PLCH1: variants seen among roughly 807,000 people sequenced by gnomAD.
PLCH1 encodes 1-phosphatidylinositol 4,5-bisphosphate phosphodiesterase eta-1.
A neutral mutation model predicts 126.7 loss-of-function variants in PLCH1; 60 were observed. The observed-to-expected ratio is 0.47, with a 90% CI of 0.38 to 0.59. PLCH1 has a LOEUF of 0.59. Among genes scored for constraint, PLCH1 ranks in the 20% least tolerant of loss-of-function variants. The pLI, the probability that PLCH1 is intolerant of heterozygous loss-of-function variation, is 0.00. For synonymous variants in PLCH1, 719 were observed against 734.9 expected, an observed-to-expected ratio of 0.98 and a Z score of 0.35; for missense variants, 1,723 against 2,040.0, an observed-to-expected ratio of 0.84 and a Z score of 2.99.
intron 6 of PLCH1, among the ~76,000 whole-genome samples, chr3:155,579,894 T>TTC (rs772390671): frequency 0.01 from 1,537 of 147,490 alleles, 8 homozygotes; most frequent in Middle Eastern, 0.055. Context: ...CTGTCTCTCT[T>TTC]TCTCTCTCTC....
At chr3:155,454,067 G>C (rs1712379245) in intron 21 of PLCH1, among the ~76,000 whole-genome samples, 1 of 152,064 alleles carries the variant, frequency 6.6e-6, no homozygotes, top group African/African-American at 2.4e-5. Flanking sequence ...TAGTGATATA[G>C]TATAGCAGCA....
intron 6 of PLCH1, among the ~76,000 whole-genome samples, chr3:155,568,644 C>T (rs1295563005): frequency 6.6e-6 from 1 of 152,122 alleles, no homozygotes; most frequent in Non-Finnish European, 1.5e-5. Context: ...TAGCAGCTAT[C>T]TGCAAAAATT....
At chr3:155,506,348 T>A (rs77404024) in intron 12 of PLCH1, among the ~76,000 whole-genome samples, 5 of 143,622 alleles carry the variant, frequency 3.5e-5, no homozygotes, top group African/African-American at 1.3e-4. Flanking sequence ...TCACTCTCTT[T>A]TTTTTTTTTT....
In PLCH1 at chr3:155,482,142, T is replaced by C. The variant is rs765650984; in HGVS notation, c.3884A>G (p.Asn1295Ser). The stretch of plus-strand genomic sequence containing the variant: ...AGAAGTATTAGGGGATCCAGGCAGG[T>C]TGCTTTCTAAGGCCGCTGTCTTGGC... ...SKAKTAALES[N>S]LPGSPNTSRG... is the part of the protein sequence containing the mutation. Residue 1295 changes from asparagine (N) to serine (S), a missense_variant, in exon 23 of 23, where the codon AAC (asparagine) becomes AGC (serine). Transcript: ENST00000460012. 139 of 1,614,054 alleles carry C rather than the reference T, an allele frequency of 8.6e-5. No homozygotes were observed. The highest frequency in any genetic ancestry group is 2.3e-4 in the Admixed American group (14 of 60,002).
chr3:155,553,896 CA>C (rs1726461481), intron 9 of PLCH1, among the ~76,000 whole-genome samples, 179 bp downstream of exon 9: 1 of 152,164 alleles, frequency 6.6e-6, no homozygotes, highest in South Asian at 2.1e-4. Context: ...TGAGAAAGTA[CA>C]AACGGGAAGG....
chr3:155,677,880 T>C (rs1396422563), intron 2 of PLCH1, among the ~76,000 whole-genome samples: 6 of 152,328 alleles, frequency 3.9e-5, no homozygotes, highest in African/African-American at 7.2e-5. Flanking sequence ...AAGTATTTAA[T>C]ACTCCCAGAT....
At chr3:155,490,714 C>A in intron 19 of PLCH1, 70 bp downstream of exon 19, 1 of 872,996 alleles carries the variant, frequency 1.1e-6, no homozygotes, top group Non-Finnish European at 1.9e-6. Context: ...TCTACATAGA[C>A]ACTTTTTTTA....
Position 155,531,952 on chromosome 3 carries a change from A to G in PLCH1, c.1363-7948T>C, listed in dbSNP as rs113554407. ...CTTTCTCTCTATCAGCAATAAGTTAAGGCTATTTTGCTTTCCTATCATTGT... is the reference window on the plus strand; with the variant it reads ...CTTTCTCTCTATCAGCAATAAGTTAGGGCTATTTTGCTTTCCTATCATTGT... On this transcript the variant is annotated intron_variant, in intron 10 of 22. Transcript: ENST00000460012. 7.9e-4 allele frequency among the ~76,000 whole-genome samples: 120 copies of G among 152,348 alleles called. 3 individuals are homozygous for G. The highest frequency in any genetic ancestry group is 2.8e-3 in the African/African-American group (117 of 41,578).
chr3:155,607,761 T>C (rs1334076828), intron 2 of PLCH1, among the ~76,000 whole-genome samples: 1 of 152,164 alleles, frequency 6.6e-6, no homozygotes, highest in Non-Finnish European at 1.5e-5. Flanking sequence ...AATAAAAATA[T>C]CTTCAAAATA....
intron 2 of PLCH1, among the ~76,000 whole-genome samples, chr3:155,643,113 T>A (rs2108863283): frequency 6.6e-6 from 1 of 152,254 alleles, no homozygotes; most frequent in African/African-American, 2.4e-5. Flanking sequence ...CATGCCCAAC[T>A]AATTTTTTTA....
intron 2 of PLCH1, among the ~76,000 whole-genome samples, chr3:155,669,234 T>G (rs1743139876): frequency 6.6e-6 from 1 of 151,582 alleles, no homozygotes; most frequent in Admixed American, 6.6e-5. Context: ...AGAATGACTA[T>G]ACACAAAGAT....
chr3:155,553,936 GAGA>G lies in PLCH1; in HGVS notation c.1190+137_1190+139del, dbSNP rs1303807736. ...CATTATTTGTTCACAATGTTTTGCT[GAGA>G]AGGAGGGAGAAAACTAGTCTAGCAA... On this transcript the variant is annotated intron_variant, in intron 9 of 22. Transcript: ENST00000460012. 49 of 625,438 alleles carry G rather than the reference GAGA, an allele frequency of 7.8e-5. No homozygotes were observed. In the East Asian group the frequency reaches 1.4e-3, roughly 18 times the overall value. The allele number at this position is 625,438 out of a possible 1,614,324, so 38.7% of individuals were successfully genotyped here.
At chr3:155,517,112 G>A (rs1720441880) in intron 11 of PLCH1, among the ~76,000 whole-genome samples, 1 of 152,132 alleles carries the variant, frequency 6.6e-6, no homozygotes, top group African/African-American at 2.4e-5. Context: ...TTTGATATCA[G>A]CCTGGGCAAC....
intron 1 of PLCH1, among the ~76,000 whole-genome samples, chr3:155,729,569 A>T (rs1483202643): frequency 6.6e-6 from 1 of 152,216 alleles, no homozygotes; most frequent in Non-Finnish European, 1.5e-5. Flanking sequence ...TATAAAAGGA[A>T]AATTACTAAA....
chr3:155,520,563 G>A (rs1486436473), intron 11 of PLCH1, among the ~76,000 whole-genome samples: 1 of 152,200 alleles, frequency 6.6e-6, no homozygotes, highest in Non-Finnish European at 1.5e-5. Flanking sequence ...GCATAACTCA[G>A]CAGAAGCAGA....
intron 10 of PLCH1, among the ~76,000 whole-genome samples, chr3:155,539,327 C>T (rs1723895721): frequency 6.6e-6 from 1 of 152,130 alleles, no homozygotes; most frequent in South Asian, 2.1e-4. Flanking sequence ...TGAAAGCATT[C>T]CCCCTGAGAA....
chr3:155,603,800 TA>T (rs1734038453), intron 2 of PLCH1, among the ~76,000 whole-genome samples: 3 of 152,090 alleles, frequency 2.0e-5, no homozygotes, highest in Non-Finnish European at 4.4e-5. Flanking sequence ...GATCTCTATA[TA>T]AAACATAACT....
intron 2 of PLCH1, among the ~76,000 whole-genome samples, chr3:155,601,000 A>C (rs1396262703): frequency 6.6e-6 from 1 of 152,188 alleles, no homozygotes; most frequent in Non-Finnish European, 1.5e-5. Flanking sequence ...TTTTAGACGG[A>C]GTCTCGCTCT....
chr3:155,584,772 T>C (rs1405913054), intron 5 of PLCH1, among the ~76,000 whole-genome samples: 2 of 152,240 alleles, frequency 1.3e-5, no homozygotes, highest in African/African-American at 2.4e-5. Context: ...GGGTCAATTA[T>C]GAACAAATGC....
Sources: allele counts gnomAD v4.1 joint callset (sites outside exome capture counted in the v4.1 genomes callset), GRCh38; gene constraint gnomAD v4.1.1; transcripts MANE v1.5; gene names NCBI Gene and HGNC (gene_info 2026-07-23, HGNC 2026-07-21).